The following PKIG variants were observed in gnomAD, a reference collection of about 807,000 sequenced individuals.
PKIG encodes cAMP-dependent protein kinase inhibitor gamma.
In PKIG, 1 loss-of-function variant was observed where a neutral mutation model predicts 6.8. That is an observed-to-expected ratio of 0.15 (90% confidence interval 0.05 to 0.69). The LOEUF (loss-of-function observed/expected upper bound fraction) is 0.69. PKIG is among the 30% of genes least tolerant of loss of function. PKIG has a pLI of 0.82. For missense variants in PKIG, 77 were observed against 104.0 expected (o/e 0.74, Z 1.13); for synonymous variants, 39 against 43.0 (o/e 0.91, Z 0.36).
At chr20:44,547,758 G>A (rs2064629043) in intron 1 of PKIG, among the ~76,000 whole-genome samples, 1 of 152,158 alleles carries the variant, frequency 6.6e-6, no homozygotes, top group African/African-American at 2.4e-5. Context: ...GCATTGGCGG[G>A]GCGCGGTTGC....
chr20:44,575,713 G>A (rs770582694), intron 1 of PKIG, among the ~76,000 whole-genome samples: 1 of 152,128 alleles, frequency 6.6e-6, no homozygotes, highest in Non-Finnish European at 1.5e-5. Context: ...AGAAGCCCTC[G>A]ATCAATCCTA....
At chr20:44,576,256 G>A (rs2064897184) in intron 1 of PKIG, among the ~76,000 whole-genome samples, 1 of 151,758 alleles carries the variant, frequency 6.6e-6, no homozygotes, top group African/African-American at 2.4e-5. Flanking sequence ...CTAGGCACTT[G>A]GGATAGATGT....
chr20:44,599,855 C>T lies in PKIG; in HGVS notation c.-24+9989C>T, dbSNP rs1305374234. ...GTCTGCAGTTAGGTGAGGTGCCCAGCATCATGTGCCACTGTAGGGACAGCA... is the reference window on the plus strand; with the variant it reads ...GTCTGCAGTTAGGTGAGGTGCCCAGTATCATGTGCCACTGTAGGGACAGCA... On this transcript the variant is annotated intron_variant, in intron 2 of 3. Coordinates refer to ENST00000372886, the MANE Select transcript of PKIG (RefSeq NM_001281445.2). Among the ~76,000 whole-genome samples the T allele has an allele frequency of 5.9e-5, 9 of 152,198 alleles. No homozygotes were observed. The East Asian group carries it at 1.7e-3, about 29-fold the overall frequency.
intron 1 of PKIG, among the ~76,000 whole-genome samples, chr20:44,576,644 T>G (rs2064900624): frequency 6.6e-6 from 1 of 152,178 alleles, no homozygotes; most frequent in Non-Finnish European, 1.5e-5. Flanking sequence ...CTTCTCTGGA[T>G]CTGGCATTCC....
chr20:44,566,208 T>A (rs1396543100), intron 1 of PKIG, among the ~76,000 whole-genome samples: 1 of 152,272 alleles, frequency 6.6e-6, no homozygotes, highest in Non-Finnish European at 1.5e-5. Flanking sequence ...TTTATTGGAA[T>A]ACAGCTATGT....
At chr20:44,546,061 G>A (rs1343837932) in intron 1 of PKIG, among the ~76,000 whole-genome samples, 1 of 152,018 alleles carries the variant, frequency 6.6e-6, no homozygotes, top group South Asian at 2.1e-4. Flanking sequence ...ACAAGCCTGG[G>A]AAATACAGCA....
intron 1 of PKIG, among the ~76,000 whole-genome samples, chr20:44,566,421 T>C (rs1465565790): frequency 1.3e-5 from 2 of 152,264 alleles, no homozygotes; most frequent in African/African-American, 4.8e-5. Flanking sequence ...TCAGTTTCTT[T>C]CAAACTTTTT....
At chr20:44,540,008 T>C (rs2064546582) in intron 1 of PKIG, among the ~76,000 whole-genome samples, 1 of 152,148 alleles carries the variant, frequency 6.6e-6, no homozygotes, top group African/African-American at 2.4e-5. Context: ...CCCAGGCTGC[T>C]GGAGTGCAGT....
chr20:44,569,103 AT>A (rs2064833421), intron 1 of PKIG, among the ~76,000 whole-genome samples: 1 of 152,180 alleles, frequency 6.6e-6, no homozygotes. Context: ...TCCCCCCTAC[AT>A]TTTTAAGGAT....
intron 1 of PKIG, among the ~76,000 whole-genome samples, chr20:44,584,134 C>G (rs1413940606): frequency 6.6e-6 from 1 of 152,150 alleles, no homozygotes; most frequent in Admixed American, 6.5e-5. Context: ...TATTCCCTAA[C>G]CCCATTGACT....
chr20:44,555,405 CTA>C (rs1372150739), intron 1 of PKIG, among the ~76,000 whole-genome samples: 5 of 152,176 alleles, frequency 3.3e-5, no homozygotes, highest in Non-Finnish European at 4.4e-5. Flanking sequence ...TTGCCAAATT[CTA>C]TAGGTTTTAT....
At chr20:44,588,506 C>T (rs535948506) in intron 1 of PKIG, among the ~76,000 whole-genome samples, 18 of 152,046 alleles carry the variant, frequency 1.2e-4, no homozygotes, top group Non-Finnish European at 2.2e-4. Flanking sequence ...TAGCCGGGCG[C>T]GGTGGCACGC....
At chr20:44,540,300 C>G (rs990476231) in intron 1 of PKIG, among the ~76,000 whole-genome samples, 1 of 152,100 alleles carries the variant, frequency 6.6e-6, no homozygotes, top group East Asian at 1.9e-4. Context: ...TGTGCTATAG[C>G]AAGTTTCCCA....
In PKIG at chr20:44,551,562, A is replaced by G. The variant is rs146887367; in HGVS notation, c.-241+19584A>G. ...ATAAGACAGCCCCTCAATTTGCTGGATGTTTAACATCTTGGTCTCTACCTA... is the reference window on the plus strand; with the variant it reads ...ATAAGACAGCCCCTCAATTTGCTGGGTGTTTAACATCTTGGTCTCTACCTA... On this transcript the variant is annotated intron_variant, in intron 1 of 4. Coordinates refer to the PKIG transcript ENST00000372887. 1.3e-3 allele frequency among the ~76,000 whole-genome samples: 204 copies of G among 152,298 alleles called. No individual in the cohort carries two copies. The Middle Eastern group carries it at 0.02, about 15-fold the overall frequency.
At chr20:44,541,299 T>C (rs1600836288) in intron 1 of PKIG, among the ~76,000 whole-genome samples, 1 of 152,192 alleles carries the variant, frequency 6.6e-6, no homozygotes, top group East Asian at 1.9e-4. Context: ...TGTTTTGTTT[T>C]GTTTTTGAGA....
At chr20:44,538,522 A>G (rs2064533007) in intron 1 of PKIG, among the ~76,000 whole-genome samples, 1 of 152,208 alleles carries the variant, frequency 6.6e-6, no homozygotes, top group Admixed American at 6.5e-5. Flanking sequence ...AGCAATTGCC[A>G]ACATATGGTC....
At chr20:44,558,602 CTTT>C (rs2064738279) in intron 1 of PKIG, among the ~76,000 whole-genome samples, 1 of 147,488 alleles carries the variant, frequency 6.8e-6, no homozygotes, top group African/African-American at 2.5e-5. Flanking sequence ...TTCTTTCTTT[CTTT>C]CTTTCTTTCT....
intron 2 of PKIG, among the ~76,000 whole-genome samples, chr20:44,601,797 A>G (rs1396044743): frequency 6.6e-6 from 1 of 152,192 alleles, no homozygotes; most frequent in Non-Finnish European, 1.5e-5. Context: ...ACAGGAAATG[A>G]CCTTTCTAGT....
chr20:44,577,758 G>A (rs1171532800), upstream of PKIG, among the ~76,000 whole-genome samples: 2 of 152,322 alleles, frequency 1.3e-5, no homozygotes, highest in East Asian at 3.9e-4. Context: ...TACAGCAGCT[G>A]TGTGGACTAG....
Sources: gnomAD v4.1 joint callset for allele counts (sites outside exome capture counted in the v4.1 genomes callset) on GRCh38, gnomAD v4.1.1 for gene constraint, MANE v1.5 for transcripts, NCBI Gene and HGNC (gene_info 2026-07-23, HGNC 2026-07-21) for gene names.